MSRB3: variants seen among roughly 807,000 people sequenced by gnomAD.
The protein encoded by MSRB3 is methionine sulfoxide reductase B3.
MSRB3 carries 13 observed loss-of-function variants against 21.0 expected under a neutral mutation model. The ratio of observed to expected loss-of-function variants is 0.62; its 90% CI spans 0.40 to 0.98. The LOEUF (loss-of-function observed/expected upper bound fraction) is 0.98. MSRB3 is among the 50% of genes least tolerant of loss of function. The pLI, the probability that MSRB3 is intolerant of heterozygous loss-of-function variation, is 0.00. For synonymous variants in MSRB3, 87 were observed against 88.6 expected (o/e 0.98, Z 0.10); for missense variants, 199 against 230.3 (o/e 0.86, Z 0.88).
chr12:65,398,067 A>T (rs745802622), intron 5 of MSRB3, among the ~76,000 whole-genome samples: 4 of 152,220 alleles, frequency 2.6e-5, no homozygotes, highest in Non-Finnish European at 5.9e-5. Flanking sequence ...TGCAATAAAC[A>T]TACGTGTACA....
intron 5 of MSRB3, 93 bp downstream of exon 5, chr12:65,369,119 A>T: frequency 1.0e-6 from 1 of 975,370 alleles, no homozygotes; most frequent in Non-Finnish European, 1.6e-6. Flanking sequence ...TTTTGATTTT[A>T]AACAGACTAG....
intron 5 of MSRB3, among the ~76,000 whole-genome samples, chr12:65,372,242 T>G (rs1878369345): frequency 6.6e-6 from 1 of 152,178 alleles, no homozygotes; most frequent in Non-Finnish European, 1.5e-5. Context: ...TGTGGTGAAT[T>G]GTATAATTAA....
Position 65,337,672 on chromosome 12 carries a change from A to G in MSRB3, c.263+9069A>G, listed in dbSNP as rs117069538. ...AAACTGCCACTTTAAATAAATGTAC[A>G]CAGTAAGCCATAAACAGCATGCAAA... On this transcript the variant is annotated intron_variant, in intron 4 of 6. Coordinates refer to ENST00000308259, the MANE Select transcript of MSRB3 (RefSeq NM_001031679.3). Among the ~76,000 whole-genome samples, 572 of 152,280 alleles carry G rather than the reference A, an allele frequency of 3.8e-3. 2 individuals are homozygous for G. Among genetic ancestry groups the G allele is most frequent in the Non-Finnish European group, 6.2e-3 (419 of 68,026 alleles).
chr12:65,375,801 C>CT (rs901816220), intron 5 of MSRB3, among the ~76,000 whole-genome samples: 272 of 145,852 alleles, frequency 1.9e-3, no homozygotes, highest in African/African-American at 3.8e-3. Flanking sequence ...ACTTAGGAAG[C>CT]TTTTTTTTTT....
rs901924464 is a variant in MSRB3, at chr12:65,328,623, A to G, written c.263+20A>G. The G allele has an allele frequency of 4.6e-6, 7 of 1,526,412 alleles. No individual in the cohort carries two copies. In the Admixed American group the frequency reaches 6.7e-5, roughly 15 times the overall value. The allele number at this position is 1,526,412 out of a possible 1,614,324, so 94.6% of individuals were successfully genotyped here. On this transcript the variant is annotated intron_variant, in intron 4 of 6. Transcript: ENST00000308259. ...GTTTAAGTAAGTATGTTGAAAACCT[A>G]TAGGTATGGCTGTATCATAGATGGC...
At chr12:65,424,834 A>C (rs938765485) in intron 5 of MSRB3, among the ~76,000 whole-genome samples, 3 of 150,054 alleles carry the variant, frequency 2.0e-5, no homozygotes, top group African/African-American at 2.5e-5. Flanking sequence ...GTTTGGTATG[A>C]AGTGTAGTTC....
At chr12:65,422,085 T>C (rs1263040448) in intron 5 of MSRB3, among the ~76,000 whole-genome samples, 1 of 152,074 alleles carries the variant, frequency 6.6e-6, no homozygotes, top group African/African-American at 2.4e-5. Flanking sequence ...GCAATCCTAT[T>C]TTTAGACAAA....
chr12:65,366,296 C>T (rs1035684133), intron 4 of MSRB3, among the ~76,000 whole-genome samples: 1 of 152,216 alleles, frequency 6.6e-6, no homozygotes, highest in Non-Finnish European at 1.5e-5. Flanking sequence ...CTTTTGGCCA[C>T]TCCTTGGACT....
At chr12:65,352,073 T>G (rs917386729) in intron 4 of MSRB3, among the ~76,000 whole-genome samples, 19 of 152,018 alleles carry the variant, frequency 1.2e-4, no homozygotes, top group Non-Finnish European at 1.0e-4. Flanking sequence ...AATAAAATAC[T>G]GGCAAAACGA....
chr12:65,301,397 G>C (rs181725777), intron 1 of MSRB3, among the ~76,000 whole-genome samples: 3 of 152,084 alleles, frequency 2.0e-5, no homozygotes, highest in African/African-American at 7.2e-5. Context: ...GAAGTTGTAA[G>C]AATAGGTAAA....
chr12:65,444,730 T>C (rs560603076), intron 5 of MSRB3, among the ~76,000 whole-genome samples: 1 of 152,296 alleles, frequency 6.6e-6, no homozygotes, highest in Non-Finnish European at 1.5e-5. Flanking sequence ...TCTCAGGTCT[T>C]ACTTAACTTG....
intron 5 of MSRB3, among the ~76,000 whole-genome samples, chr12:65,422,223 T>G (rs996289715): frequency 6.6e-6 from 1 of 151,628 alleles, no homozygotes; most frequent in African/African-American, 2.4e-5. Context: ...CCCAGATTCA[T>G]AAAGCAAGTC....
At chr12:65,297,153 A>T (rs1394257217) in intron 1 of MSRB3, among the ~76,000 whole-genome samples, 1 of 151,924 alleles carries the variant, frequency 6.6e-6, no homozygotes, top group Non-Finnish European at 1.5e-5. Context: ...CTCACTTATA[A>T]GTGGGGGCTG....
intron 5 of MSRB3, among the ~76,000 whole-genome samples, chr12:65,411,386 A>G (rs534459209): frequency 6.6e-6 from 1 of 152,198 alleles, no homozygotes; most frequent in South Asian, 2.1e-4. Context: ...GTGGTTGAAT[A>G]AAATATGTCC....
At chr12:65,460,038 A>T (rs941260956) in intron 6 of MSRB3, among the ~76,000 whole-genome samples, 1 of 152,208 alleles carries the variant, frequency 6.6e-6, no homozygotes, top group Non-Finnish European at 1.5e-5. Context: ...ATTCAGGTAC[A>T]TTTACCTGTG....
chr12:65,450,513 G>A lies in MSRB3; in HGVS notation c.293-3215G>A, dbSNP rs1351105358. The stretch of plus-strand genomic sequence containing the variant: ...TCCAATCTCATCAAATAGAAACTAA[G>A]GGATGTATTGGGGGTGGGGTGAACT... On this transcript the variant is annotated intron_variant, in intron 5 of 6. Coordinates refer to ENST00000308259, the MANE Select transcript of MSRB3 (RefSeq NM_001031679.3). Among the ~76,000 whole-genome samples, 4 of 152,276 alleles carry A rather than the reference G, an allele frequency of 2.6e-5. No homozygotes were observed. In the South Asian group the frequency reaches 6.2e-4, roughly 24 times the overall value.
chr12:65,417,903 T>C (rs1881063706), intron 5 of MSRB3, among the ~76,000 whole-genome samples: 1 of 152,252 alleles, frequency 6.6e-6, no homozygotes, highest in South Asian at 2.1e-4. Flanking sequence ...TTTAGGTTGA[T>C]TCCCACATCT....
intron 5 of MSRB3, among the ~76,000 whole-genome samples, chr12:65,413,365 A>G (rs1319756915): frequency 6.6e-6 from 1 of 152,214 alleles, no homozygotes; most frequent in African/African-American, 2.4e-5. Flanking sequence ...TCTTGAGGTC[A>G]GCATCCTTCT....
At chr12:65,440,557 C>A (rs1042658146) in intron 5 of MSRB3, among the ~76,000 whole-genome samples, 1 of 151,738 alleles carries the variant, frequency 6.6e-6, no homozygotes, top group Non-Finnish European at 1.5e-5. Flanking sequence ...ATTTTTTAAA[C>A]ACTAAAAGGA....
Sources: allele counts gnomAD v4.1 joint callset (sites outside exome capture counted in the v4.1 genomes callset), GRCh38; gene constraint gnomAD v4.1.1; transcripts MANE v1.5; gene names NCBI Gene and HGNC (gene_info 2026-07-23, HGNC 2026-07-21).